CCNY: variants seen among roughly 807,000 people sequenced by gnomAD.
The protein encoded by CCNY is cyclin Y, also known as cyclin-Y.
CCNY carries 19 observed loss-of-function variants against 42.8 expected under a neutral mutation model. The ratio of observed to expected loss-of-function variants is 0.44; its 90% CI spans 0.31 to 0.65. The LOEUF (loss-of-function observed/expected upper bound fraction) is 0.65, where lower values mean the gene tolerates loss of function less well. Ranked by LOEUF, CCNY falls within the 30% of genes least tolerant of loss-of-function variation. The pLI is 0.07. For missense variants in CCNY, 370 were observed against 437.3 expected, an observed-to-expected ratio of 0.85 and a Z score of 1.37; for synonymous variants, 165 against 162.7, an observed-to-expected ratio of 1.01 and a Z score of -0.11.
intron 2 of CCNY, among the ~76,000 whole-genome samples, chr10:35,496,519 G>A (rs1293975220): frequency 1.3e-5 from 2 of 152,144 alleles, no homozygotes; most frequent in Non-Finnish European, 2.9e-5. Flanking sequence ...GCCATTGGAA[G>A]GTCGGTCTAT....
chr10:35,520,869 G>A (rs1840532674), intron 4 of CCNY, among the ~76,000 whole-genome samples: 1 of 152,150 alleles, frequency 6.6e-6, no homozygotes, highest in African/African-American at 2.4e-5. Context: ...TCCCCACCAA[G>A]TCCTCTGACA....
At chr10:35,520,130 C>T (rs1055485627) in intron 4 of CCNY, among the ~76,000 whole-genome samples, 3 of 152,096 alleles carry the variant, frequency 2.0e-5, no homozygotes, top group Non-Finnish European at 2.9e-5. Context: ...GAAGTAGAGC[C>T]ATCAGAATCC....
chr10:35,359,017 G>A (rs1172129481), intron 1 of CCNY, among the ~76,000 whole-genome samples: 1 of 152,206 alleles, frequency 6.6e-6, no homozygotes, highest in African/African-American at 2.4e-5. Context: ...AGGGTCATAA[G>A]GTGTTCTTCC....
intron 1 of CCNY, among the ~76,000 whole-genome samples, chr10:35,468,817 A>G (rs998636722): frequency 2.0e-5 from 3 of 152,228 alleles, no homozygotes; most frequent in African/African-American, 7.2e-5. Flanking sequence ...GTCAAAAACC[A>G]CATTAGAGAT....
chr10:35,382,886 A>AAAAC (rs951172169), intron 1 of CCNY, among the ~76,000 whole-genome samples: 1 of 152,206 alleles, frequency 6.6e-6, no homozygotes, highest in African/African-American at 2.4e-5. Context: ...CAAAAGGTAA[A>AAAAC]AAACAAACAA....
chr10:35,252,006 G>GA (rs2095712353), intron 3 of CCNY, among the ~76,000 whole-genome samples: 1 of 152,052 alleles, frequency 6.6e-6, no homozygotes, highest in African/African-American at 2.4e-5. Flanking sequence ...AGGCTTTGTA[G>GA]ACTAACAGGC....
At chr10:35,369,921 G>C (rs542890697) in intron 1 of CCNY, among the ~76,000 whole-genome samples, 2 of 152,164 alleles carry the variant, frequency 1.3e-5, no homozygotes, top group Non-Finnish European at 2.9e-5. Flanking sequence ...AAGGTGACCT[G>C]TTTATTCTCT....
upstream of CCNY, among the ~76,000 whole-genome samples, chr10:35,333,877 G>A (rs982076565): frequency 6.6e-6 from 1 of 152,100 alleles, no homozygotes; most frequent in Non-Finnish European, 1.5e-5. Flanking sequence ...CATGTAGGGT[G>A]GATGAGTTGT....
chr10:35,337,425 C>T (rs977732902), intron 1 of CCNY, among the ~76,000 whole-genome samples: 10 of 152,296 alleles, frequency 6.6e-5, no homozygotes, highest in Non-Finnish European at 1.2e-4. Flanking sequence ...ACTTTGCAGG[C>T]CCGCGGCATC....
chr10:35,255,917 C>G (rs566209067), intron 3 of CCNY, among the ~76,000 whole-genome samples: 1 of 152,240 alleles, frequency 6.6e-6, no homozygotes, highest in South Asian at 2.1e-4. Flanking sequence ...AATCTTCTTG[C>G]TGTACTGAAC....
intron 5 of CCNY, 128 bp downstream of exon 5, chr10:35,526,127 T>A: frequency 1.2e-6 from 1 of 827,092 alleles, no homozygotes; most frequent in Non-Finnish European, 1.8e-6. Flanking sequence ...ATAGAATTTC[T>A]AAAGGTAATA....
intron 1 of CCNY, among the ~76,000 whole-genome samples, chr10:35,344,351 C>G (rs947553780): frequency 2.0e-5 from 3 of 152,096 alleles, no homozygotes; most frequent in Non-Finnish European, 4.4e-5. Context: ...CTCCGTCCTG[C>G]TGAGCCTCAC....
Position 35,501,546 on chromosome 10 carries a change from C to G in CCNY, c.264+11C>G, listed in dbSNP as rs757407291. ...CTCTTCATTAACCATGTAAGTGAAGCTGTCTCCCTGTGTTCTTCATAATGA... is the reference window on the plus strand; with the variant it reads ...CTCTTCATTAACCATGTAAGTGAAGGTGTCTCCCTGTGTTCTTCATAATGA... On this transcript the variant is annotated intron_variant, in intron 3 of 9. Coordinates refer to ENST00000374704, the MANE Select transcript of CCNY (RefSeq NM_145012.6). 9 of 1,610,092 alleles carry G rather than the reference C, an allele frequency of 5.6e-6. No individual in the cohort carries two copies. The South Asian group carries it at 7.7e-5, about 14-fold the overall frequency.
intron 3 of CCNY, among the ~76,000 whole-genome samples, chr10:35,329,563 T>C (rs1835917663): frequency 6.6e-6 from 1 of 152,108 alleles, no homozygotes; most frequent in East Asian, 1.9e-4. Flanking sequence ...GCATGGAAAA[T>C]ATTTATTTAT....
intron 2 of CCNY, among the ~76,000 whole-genome samples, chr10:35,486,729 C>G (rs1246728292): frequency 6.6e-6 from 1 of 152,254 alleles, no homozygotes; most frequent in African/African-American, 2.4e-5. Context: ...CCAACTTCCT[C>G]TCTTCTTTGT....
At chr10:35,386,316 C>T (rs1038074607) in intron 1 of CCNY, among the ~76,000 whole-genome samples, 1 of 152,132 alleles carries the variant, frequency 6.6e-6, no homozygotes, top group Non-Finnish European at 1.5e-5. Context: ...AAAGGGATTT[C>T]CCGGTAAAGC....
intron 4 of CCNY, among the ~76,000 whole-genome samples, chr10:35,522,208 G>A (rs1840561066): frequency 6.6e-6 from 1 of 152,164 alleles, no homozygotes; most frequent in African/African-American, 2.4e-5. Flanking sequence ...TCAATGTGGT[G>A]CCATTCATTG....
intron 1 of CCNY, among the ~76,000 whole-genome samples, chr10:35,354,161 A>G (rs1836490334): frequency 6.6e-6 from 1 of 150,674 alleles, no homozygotes; most frequent in Non-Finnish European, 1.5e-5. Context: ...AGAGAGACCC[A>G]CAAGATGGAA....
Position 35,307,031 on chromosome 10 carries a change from G to A in CCNY, c.-9+56405G>A, listed in dbSNP as rs1047442730. On this transcript the variant is annotated intron_variant, in intron 3 of 11. Transcript: ENST00000374706. ...TCCCGCACCCTAGGAAGCAGTACAC[G>A]GCAACATACCTTGCTGCTGGGCTGG... Among the ~76,000 whole-genome samples, 5 of 152,246 alleles carry A rather than the reference G, an allele frequency of 3.3e-5. No individual in the cohort carries two copies. In the East Asian group the frequency reaches 5.8e-4, roughly 18 times the overall value.
Sources: gnomAD v4.1 joint callset for allele counts (sites outside exome capture counted in the v4.1 genomes callset) on GRCh38, gnomAD v4.1.1 for gene constraint, MANE v1.5 for transcripts, NCBI Gene and HGNC (gene_info 2026-07-23, HGNC 2026-07-21) for gene names.